Variants in FOCAD observed in about 807,000 individuals in gnomAD.
The protein encoded by FOCAD is focadhesin, also known as KIAA1797.
A neutral mutation model predicts 225.6 loss-of-function variants in FOCAD; 198 were observed. That is an observed-to-expected ratio of 0.88 (90% CI 0.78 to 0.99). The LOEUF (loss-of-function observed/expected upper bound fraction) is 0.99. Ranked by LOEUF, FOCAD falls within the 50% of genes least tolerant of loss-of-function variation. The pLI is 0.00. For synonymous variants in FOCAD, 897 were observed against 755.0 expected, an observed-to-expected ratio of 1.19 and a Z score of -3.08; for missense variants, 2,713 against 2,123.6, an observed-to-expected ratio of 1.28 and a Z score of -5.46.
chr9:20,781,717 T>A lies in FOCAD; in HGVS notation c.995-10T>A. 6.2e-7 allele frequency: 1 copy of A among 1,612,418 alleles called. No individual in the cohort carries two copies. Among genetic ancestry groups the A allele is most frequent in the Non-Finnish European group, 8.5e-7 (1 of 1,179,428 alleles). ...TTTTTAAAAATGTGCATTATTGTTTTGATGAATAGCTTTGAAGCTCCTCTC... is the reference window on the plus strand; with the variant it reads ...TTTTTAAAAATGTGCATTATTGTTTAGATGAATAGCTTTGAAGCTCCTCTC... On this transcript the variant is annotated splice_polypyrimidine_tract_variant and intron_variant, in intron 9 of 43. Coordinates refer to ENST00000338382, the MANE Select transcript of FOCAD (RefSeq NM_001375567.1).
intron 15 of FOCAD, among the ~76,000 whole-genome samples, chr9:20,842,485 T>A (rs1826639470): frequency 6.6e-6 from 1 of 152,008 alleles, no homozygotes; most frequent in African/African-American, 2.4e-5. Flanking sequence ...CCTTTATCAT[T>A]ATATCCTGAC....
chr9:20,960,798 G>C (rs1043983754), intron 35 of FOCAD, among the ~76,000 whole-genome samples: 29 of 144,788 alleles, frequency 2.0e-4, no homozygotes, highest in African/African-American at 7.2e-4. Context: ...ATGTGTCCAA[G>C]TGTTCTCATT....
chr9:20,941,619 A>G (rs1221827006), intron 28 of FOCAD, among the ~76,000 whole-genome samples: 30 of 152,242 alleles, frequency 2.0e-4, no homozygotes, highest in Admixed American at 1.8e-3. Context: ...ATATTTTAAT[A>G]TACTCTGATA....
intron 28 of FOCAD, among the ~76,000 whole-genome samples, chr9:20,944,202 C>A (rs920991036): frequency 6.6e-6 from 1 of 152,220 alleles, no homozygotes; most frequent in Non-Finnish European, 1.5e-5. Context: ...ATCCTCAGCT[C>A]ACATCCTGAA....
chr9:20,819,748 C>T (rs778654240), intron 11 of FOCAD, 48 bp from the exon 12 acceptor site: 35 of 1,041,448 alleles, frequency 3.4e-5, no homozygotes, highest in Admixed American at 5.2e-5. Flanking sequence ...TTATATATTA[C>T]TTTTTTGTAA....
intron 40 of FOCAD, among the ~76,000 whole-genome samples, chr9:20,986,916 C>A (rs1368270514): frequency 6.6e-6 from 1 of 152,138 alleles, no homozygotes; most frequent in Non-Finnish European, 1.5e-5. Context: ...ATCCTGCCAC[C>A]CTGTCTGCAT....
At chr9:20,915,918 T>C (rs1833830544) in intron 23 of FOCAD, among the ~76,000 whole-genome samples, 2 of 152,134 alleles carry the variant, frequency 1.3e-5, no homozygotes, top group Admixed American at 1.3e-4. Context: ...ATGGACTATA[T>C]TCCATTTAGG....
intron 28 of FOCAD, among the ~76,000 whole-genome samples, chr9:20,936,486 C>T (rs1225251011): frequency 6.6e-6 from 1 of 152,172 alleles, no homozygotes; most frequent in East Asian, 1.9e-4. Flanking sequence ...ACTAGTGCCA[C>T]TCACCTGGTT....
intron 6 of FOCAD, among the ~76,000 whole-genome samples, chr9:20,760,589 A>G (rs1182205763): frequency 6.6e-6 from 1 of 152,030 alleles, no homozygotes; most frequent in Non-Finnish European, 1.5e-5. Context: ...TTTCTGATAA[A>G]TGTCTTTATT....
chr9:20,720,408 A>T lies in FOCAD; in HGVS notation c.161A>T (p.Lys54Met). The T allele has an allele frequency of 3.1e-6, 5 of 1,614,030 alleles. No individual in the cohort carries two copies. The highest frequency in any genetic ancestry group is 4.2e-6 in the Non-Finnish European group (5 of 1,179,976). Residue 54 changes from lysine to methionine, a missense_variant, in exon 4 of 44, where the codon AAG (lysine) becomes ATG (methionine). Transcript: ENST00000338382. ...CCTGCTTTGAACTTGCTGTGGGAGA[A>T]GTGTTGCAGTGACAATGTAGTGGTT... ...QTPALNLLWE[K>M]CCSDNVVVRT...
chr9:20,881,383 AAGTTG>A (rs1311703823), intron 19 of FOCAD, among the ~76,000 whole-genome samples: 1 of 152,188 alleles, frequency 6.6e-6, no homozygotes, highest in Admixed American at 6.5e-5. Flanking sequence ...TCATGGTCAG[AAGTTG>A]TGATTTTATT....
chr9:20,988,459 C>T, intron 41 of FOCAD, 30 bp downstream of exon 41: 3 of 1,259,502 alleles, frequency 2.4e-6, no homozygotes, highest in Non-Finnish European at 3.3e-6. Flanking sequence ...TTTATAGCTT[C>T]CTTAAAATAC....
At chr9:20,820,518 T>C in intron 13 of FOCAD, 93 bp downstream of exon 13, 1 of 1,044,482 alleles carries the variant, frequency 9.6e-7, no homozygotes, top group Non-Finnish European at 1.4e-6. Flanking sequence ...TTTGGTTTAG[T>C]GGTATTAATG....
chr9:20,758,014 T>G (rs1829215484), intron 5 of FOCAD, 76 bp from the exon 6 acceptor site: 16 of 904,838 alleles, frequency 1.8e-5, no homozygotes. Flanking sequence ...TACTGGCTTC[T>G]TTGCTGCTAT....
intron 15 of FOCAD, among the ~76,000 whole-genome samples, chr9:20,854,815 A>ATGAT (rs1266006722): frequency 6.6e-6 from 1 of 151,740 alleles, no homozygotes; most frequent in South Asian, 2.1e-4. Flanking sequence ...ATTATCCCTC[A>ATGAT]TGATTGATTG....
intron 22 of FOCAD, among the ~76,000 whole-genome samples, chr9:20,910,485 T>C (rs747042415): frequency 6.6e-6 from 1 of 152,078 alleles, no homozygotes; most frequent in African/African-American, 2.4e-5. Context: ...TTTGCTTTTT[T>C]TGTGTGTGTA....
intron 29 of FOCAD, among the ~76,000 whole-genome samples, chr9:20,946,033 C>G (rs1194716518): frequency 1.3e-5 from 2 of 152,120 alleles, no homozygotes; most frequent in African/African-American, 2.4e-5. Context: ...GACATATTCC[C>G]AAATCTTGGC....
intron 2 of FOCAD, among the ~76,000 whole-genome samples, chr9:20,664,899 A>AT (rs951245505): frequency 6.6e-6 from 1 of 151,924 alleles, no homozygotes; most frequent in Non-Finnish European, 1.5e-5. Context: ...CAATAAAACT[A>AT]TTTTTCAAAA....
In FOCAD at chr9:20,717,884, T is replaced by A; in HGVS notation, c.132+16T>A. On this transcript the variant is annotated intron_variant, in intron 3 of 43. Coordinates refer to ENST00000338382, the MANE Select transcript of FOCAD (RefSeq NM_001375567.1). ...TACAAATCAGGTCTGTGTTTAACTT[T>A]ATGCTTTAATTCTCTTCAGATAAGA... The A allele has an allele frequency of 6.3e-7, 1 of 1,598,946 alleles. No homozygotes were observed.
Sources: gnomAD v4.1 joint callset for allele counts (sites outside exome capture counted in the v4.1 genomes callset) on GRCh38, gnomAD v4.1.1 for gene constraint, MANE v1.5 for transcripts, NCBI Gene and HGNC (gene_info 2026-07-23, HGNC 2026-07-21) for gene names.